The following UBN2 variants were observed in gnomAD, a reference collection of about 807,000 sequenced individuals.
UBN2 encodes the protein ubinuclein-2.
UBN2 carries 35 observed loss-of-function variants against 120.2 expected under a neutral mutation model. The ratio of observed to expected loss-of-function variants is 0.29; its 90% confidence interval spans 0.22 to 0.39. The LOEUF (loss-of-function observed/expected upper bound fraction) is 0.39. Among genes scored for constraint, UBN2 ranks in the 10% least tolerant of loss-of-function variants. The pLI is 1.00. For synonymous variants in UBN2, 661 were observed against 648.7 expected, an observed-to-expected ratio of 1.02 and a Z score of -0.29; for missense variants, 1,693 against 1,663.2, an observed-to-expected ratio of 1.02 and a Z score of -0.31.
rs1798368242 is a variant in UBN2, at chr7:139,306,927, C to T, written c.*9091C>T. On this transcript the variant is annotated 3_prime_UTR_variant, in exon 18 of 18. Coordinates refer to ENST00000473989, the MANE Select transcript of UBN2 (RefSeq NM_173569.4). ...TCATTTGCAGTTGTAAAAATGATTA[C>T]CGAACTCCAGACCTATTTGCTATAA... is the stretch of plus-strand genomic sequence containing the variant. 6.6e-6 allele frequency: 1 copy of T among 152,154 alleles called. No individual in the cohort carries two copies. Among genetic ancestry groups the T allele is most frequent in the African/African-American group, 2.4e-5 (1 of 41,442 alleles). 9.4% of individuals were successfully genotyped at this position (152,154 alleles called of 1,614,324 possible).
intron 11 of UBN2, among the ~76,000 whole-genome samples, chr7:139,274,980 C>T (rs1797398910): frequency 6.6e-6 from 1 of 151,740 alleles, no homozygotes; most frequent in African/African-American, 2.4e-5. Flanking sequence ...TTTAAAGTCT[C>T]AAGGGTTAAG....
the UBN2 span, among the ~76,000 whole-genome samples, chr7:139,325,320 T>G: frequency 1.4e-5 from 2 of 138,928 alleles, no homozygotes; most frequent in African/African-American, 2.8e-5. Flanking sequence ...CAGGCTGGAG[T>G]GCAATGGTGC....
At position 139,303,410 on chromosome 7, in the gene UBN2, T is replaced by G. The variant is rs1798304802; in HGVS notation, c.*5574T>G. The G allele has an allele frequency of 6.6e-6, 1 of 152,120 alleles. No individual in the cohort carries two copies. The highest frequency in any genetic ancestry group is 1.5e-5 in the Non-Finnish European group (1 of 68,034). 9.4% of individuals were successfully genotyped at this position (152,120 alleles called of 1,614,324 possible). On this transcript the variant is annotated 3_prime_UTR_variant, in exon 18 of 18. Coordinates refer to ENST00000473989, the MANE Select transcript of UBN2 (RefSeq NM_173569.4). The stretch of plus-strand genomic sequence containing the variant: ...TGCCCCCCTTTCAATACATTCTAAT[T>G]GGGAAGAAGAAGAGACTAGTGGCTT...
chr7:139,248,795 G>A (rs1019459536), intron 2 of UBN2, among the ~76,000 whole-genome samples: 1 of 151,938 alleles, frequency 6.6e-6, no homozygotes, highest in Non-Finnish European at 1.5e-5. Flanking sequence ...AACTGCTTGT[G>A]TGTAACTTCT....
intron 2 of UBN2, among the ~76,000 whole-genome samples, chr7:139,245,108 T>TC (rs988665950): frequency 2.0e-5 from 3 of 147,778 alleles, no homozygotes; most frequent in African/African-American, 7.5e-5. Context: ...TTTTTTTTTT[T>TC]TTTTTTTTTT....
chr7:139,243,461 T>C (rs375435549), intron 2 of UBN2, among the ~76,000 whole-genome samples: 4 of 152,218 alleles, frequency 2.6e-5, no homozygotes, highest in African/African-American at 9.6e-5. Context: ...CAGAAGTCTT[T>C]CTAGTAGGGA....
Position 139,231,500 on chromosome 7 carries a change from A to G in UBN2, c.16A>G (p.Arg6Gly). The change falls in exon 1 of 18, where the codon AGA (arginine) becomes GGA (glycine). Residue 6 changes from arginine (R) to glycine (G), a missense_variant. Coordinates refer to ENST00000473989, the MANE Select transcript of UBN2 (RefSeq NM_173569.4). MAEPR[R>G]VAFISLSPVR... ...AACAGTGGGGATGGCGGAGCCGCGC[A>G]GAGTAGCGTTCATTAGCTTGTCACC... 1 of 1,401,002 alleles carries G rather than the reference A, an allele frequency of 7.1e-7. No homozygotes were observed. The highest frequency in any genetic ancestry group is 9.4e-7 in the Non-Finnish European group (1 of 1,069,492). 86.8% of individuals were successfully genotyped at this position (1,401,002 alleles called of 1,614,324 possible).
intron 17 of UBN2, among the ~76,000 whole-genome samples, chr7:139,297,193 CAAA>C (rs952689538): frequency 2.0e-4 from 11 of 56,382 alleles, no homozygotes; most frequent in Admixed American, 2.0e-4. Flanking sequence ...GACTCCGTCT[CAAA>C]AAAAAAAAAA....
In UBN2 at chr7:139,293,289, C is replaced by T; in HGVS notation, c.3727C>T (p.Pro1243Ser). 6.2e-7 allele frequency: 1 copy of T among 1,614,220 alleles called. No homozygotes were observed. ...CTCACCTCTGACTCTCATGACATCA[C>T]CTTTGTCTGTAACAAATCAAAATGT... ...NASPLTLMTS[P>S]LSVTNQNVTP... The change falls in exon 16 of 18, where the codon CCT (proline) becomes TCT (serine). Residue 1243 changes from proline (P) to serine (S), a missense_variant. Pro to Ser is a moderately conservative substitution (Grantham distance 74). Transcript: ENST00000473989.
the UBN2 span, among the ~76,000 whole-genome samples, chr7:139,327,126 C>T: frequency 1.8e-4 from 28 of 152,308 alleles, no homozygotes; most frequent in South Asian, 2.1e-4. Flanking sequence ...CTCCGCCTCC[C>T]GGGTTCAAGC....
chr7:139,320,829 T>A, the UBN2 span, among the ~76,000 whole-genome samples: 1 of 151,308 alleles, frequency 6.6e-6, no homozygotes, highest in Non-Finnish European at 1.5e-5. Flanking sequence ...GCACTCCAGC[T>A]TGGGCGACAG....
the UBN2 span, among the ~76,000 whole-genome samples, chr7:139,317,756 G>A: frequency 6.6e-6 from 1 of 151,466 alleles, no homozygotes; most frequent in African/African-American, 2.4e-5. Flanking sequence ...TCCACCTCCC[G>A]GGTTCAAGCG....
Position 139,303,923 on chromosome 7 carries a change from G to T in UBN2, c.*6087G>T, listed in dbSNP as rs1283935692. ...CGGTGTTACTGTGATTTTTCGTCAAGGTTGTGGAGCTAAAGTTAGATAAAG... is the reference window on the plus strand; with the variant it reads ...CGGTGTTACTGTGATTTTTCGTCAATGTTGTGGAGCTAAAGTTAGATAAAG... On this transcript the variant is annotated 3_prime_UTR_variant, in exon 18 of 18. Coordinates refer to ENST00000473989, the MANE Select transcript of UBN2 (RefSeq NM_173569.4). 3 of 152,130 alleles carry T rather than the reference G, an allele frequency of 2.0e-5. No homozygotes were observed. The highest frequency in any genetic ancestry group is 7.2e-5 in the African/African-American group (3 of 41,424). The allele number at this position is 152,130 out of a possible 1,614,324, so 9.4% of individuals were successfully genotyped here.
Position 139,306,984 on chromosome 7 carries a change from C to T in UBN2, c.*9148C>T, listed in dbSNP as rs1412698123. On this transcript the variant is annotated 3_prime_UTR_variant, in exon 18 of 18. Transcript: ENST00000473989. ...GGAAATAATGATTCTGATTTTTAGT[C>T]TGGGTAAACACATACTTCGGTGTGA... 6.6e-6 allele frequency: 1 copy of T among 152,186 alleles called. No individual in the cohort carries two copies. Among genetic ancestry groups the T allele is most frequent in the African/African-American group, 2.4e-5 (1 of 41,444 alleles). 9.4% of individuals were successfully genotyped at this position (152,186 alleles called of 1,614,324 possible).
Position 139,231,483 on chromosome 7 carries a change from G to C in UBN2, c.-2G>C, listed in dbSNP as rs1371160380. The stretch of plus-strand genomic sequence containing the variant: ...CAAAAGCGGAGGGCCAGAACAGTGG[G>C]GATGGCGGAGCCGCGCAGAGTAGCG... On this transcript the variant is annotated 5_prime_UTR_variant, in exon 1 of 18. Coordinates refer to ENST00000473989, the MANE Select transcript of UBN2 (RefSeq NM_173569.4). The C allele has an allele frequency of 1.5e-6, 2 of 1,378,102 alleles. No individual in the cohort carries two copies. Among genetic ancestry groups the C allele is most frequent in the Non-Finnish European group, 1.9e-6 (2 of 1,057,942 alleles). 85.4% of individuals were successfully genotyped at this position (1,378,102 alleles called of 1,614,324 possible). A position where few individuals can be genotyped will look rare whatever the true frequency, so the allele number is the denominator to read the frequency against.
chr7:139,322,602 G>A, the UBN2 span, among the ~76,000 whole-genome samples: 1 of 134,648 alleles, frequency 7.4e-6, no homozygotes, highest in Non-Finnish European at 1.6e-5. Flanking sequence ...GAGTTTTCAT[G>A]TTATACCATC....
chr7:139,247,211 G>A (rs553603827), intron 2 of UBN2, among the ~76,000 whole-genome samples: 1 of 151,536 alleles, frequency 6.6e-6, no homozygotes, highest in East Asian at 1.9e-4. Flanking sequence ...ACATCATTTT[G>A]CATTCCTGCT....
the UBN2 span, among the ~76,000 whole-genome samples, chr7:139,321,758 C>T: frequency 3.0e-4 from 45 of 152,132 alleles, no homozygotes; most frequent in Admixed American, 3.3e-4. Flanking sequence ...CACTCCCAGA[C>T]TCAACTCATG....
At chr7:139,257,099 C>G (rs1295121890) in intron 3 of UBN2, among the ~76,000 whole-genome samples, 7 of 152,166 alleles carry the variant, frequency 4.6e-5, no homozygotes, top group Non-Finnish European at 1.0e-4. Flanking sequence ...TAACAGATAT[C>G]TTTCTACAAT....
Sources: allele counts gnomAD v4.1 joint callset (sites outside exome capture counted in the v4.1 genomes callset), GRCh38; gene constraint gnomAD v4.1.1; transcripts MANE v1.5; gene names NCBI Gene and HGNC (gene_info 2026-07-23, HGNC 2026-07-21).